MACROD2: variants seen among roughly 807,000 people sequenced by gnomAD.
MACROD2 encodes the protein mono-ADP ribosylhydrolase 2.
A neutral mutation model predicts 70.4 loss-of-function variants in MACROD2; 36 were observed. The ratio of observed to expected loss-of-function variants is 0.51; its 90% CI spans 0.39 to 0.68. The LOEUF is 0.68. MACROD2 is among the 30% of genes least tolerant of loss of function. MACROD2 has a pLI of 0.00. For missense variants in MACROD2, 496 were observed against 538.4 expected (o/e 0.92, Z 0.78); for synonymous variants, 172 against 178.8 (o/e 0.96, Z 0.30).
At chr20:14,228,706 GAA>G (rs1489449421) in intron 3 of MACROD2, among the ~76,000 whole-genome samples, 2 of 151,986 alleles carry the variant, frequency 1.3e-5, no homozygotes, top group East Asian at 3.8e-4. Flanking sequence ...AATTGTCACA[GAA>G]AAAAAGACAT....
chr20:15,548,867 A>G (rs1364303260), intron 8 of MACROD2, among the ~76,000 whole-genome samples: 1 of 152,214 alleles, frequency 6.6e-6, no homozygotes, highest in Non-Finnish European at 1.5e-5. Context: ...GAAGAGATAC[A>G]TAGACTCTCT....
intron 3 of MACROD2, among the ~76,000 whole-genome samples, chr20:14,485,962 GAGAGTT>G (rs1483380677): frequency 1.3e-5 from 2 of 152,040 alleles, no homozygotes; most frequent in Non-Finnish European, 2.9e-5. Context: ...TCTGCACTAA[GAGAGTT>G]AGCCTCTGAA....
At chr20:14,270,089 G>T (rs1428674016) in intron 3 of MACROD2, among the ~76,000 whole-genome samples, 1 of 152,000 alleles carries the variant, frequency 6.6e-6, no homozygotes, top group Non-Finnish European at 1.5e-5. Context: ...GGTATTGTCT[G>T]TTTTTTTAGA....
intron 5 of MACROD2, among the ~76,000 whole-genome samples, chr20:14,866,747 G>A (rs987562722): frequency 5.3e-5 from 8 of 152,048 alleles, no homozygotes; most frequent in African/African-American, 1.9e-4. Flanking sequence ...ACACGTGCAG[G>A]AGTAACAATT....
intron 2 of MACROD2, among the ~76,000 whole-genome samples, chr20:14,044,107 G>T (rs1385947620): frequency 6.6e-6 from 1 of 152,220 alleles, no homozygotes; most frequent in Non-Finnish European, 1.5e-5. Flanking sequence ...TAAAGGCAGT[G>T]TGTCCAGAGT....
At chr20:15,936,308 T>C (rs986926784) in intron 11 of MACROD2, among the ~76,000 whole-genome samples, 3 of 148,876 alleles carry the variant, frequency 2.0e-5, no homozygotes, top group Admixed American at 6.7e-5. Context: ...TGTGTATATA[T>C]ATAGTTTTTC....
chr20:15,162,058 C>A (rs2076352212), intron 5 of MACROD2, among the ~76,000 whole-genome samples: 1 of 151,836 alleles, frequency 6.6e-6, no homozygotes, highest in Admixed American at 6.6e-5. Context: ...AGATAAAATA[C>A]AGATTACTAT....
At chr20:15,704,146 T>TTATG (rs2087125574) in intron 8 of MACROD2, among the ~76,000 whole-genome samples, 3 of 150,754 alleles carry the variant, frequency 2.0e-5, no homozygotes, top group Admixed American at 6.6e-5. Context: ...GTTTGTTTAT[T>TTATG]TATTTATTTA....
chr20:15,177,837 C>G (rs550790520), intron 5 of MACROD2, among the ~76,000 whole-genome samples: 2 of 152,048 alleles, frequency 1.3e-5, no homozygotes, highest in African/African-American at 4.8e-5. Context: ...GAATTGGTGT[C>G]ATGGCTATTA....
chr20:15,165,286 T>C (rs562176656), intron 5 of MACROD2, among the ~76,000 whole-genome samples: 24 of 152,222 alleles, frequency 1.6e-4, no homozygotes, highest in African/African-American at 4.8e-4. Flanking sequence ...TAAAACCCCA[T>C]CTCTACTAAA....
intron 8 of MACROD2, among the ~76,000 whole-genome samples, chr20:15,520,391 G>T (rs370404722): frequency 6.6e-6 from 1 of 152,200 alleles, no homozygotes. Flanking sequence ...TTTCTGGAGC[G>T]AGTCAAAGTG....
chr20:14,345,021 A>T (rs562873981), intron 3 of MACROD2, among the ~76,000 whole-genome samples: 39 of 152,336 alleles, frequency 2.6e-4, no homozygotes, highest in Admixed American at 1.2e-3. Flanking sequence ...TTAACAAAGA[A>T]CAAAGGATTT....
At chr20:14,243,160 GTTTTAC>G (rs1354539047) in intron 3 of MACROD2, among the ~76,000 whole-genome samples, 1 of 152,174 alleles carries the variant, frequency 6.6e-6, no homozygotes, top group African/African-American at 2.4e-5. Context: ...TGTTAACTGA[GTTTTAC>G]ATACAGACTA....
At chr20:14,123,091 A>G (rs73084829) in intron 3 of MACROD2, among the ~76,000 whole-genome samples, 2,033 of 152,286 alleles carry the variant, frequency 0.013, 19 homozygotes, top group Non-Finnish European at 0.021. Context: ...ATAATAGGGT[A>G]CATAATTTTT....
chr20:14,807,625 G>A (rs905513513), intron 5 of MACROD2, among the ~76,000 whole-genome samples: 2 of 152,046 alleles, frequency 1.3e-5, no homozygotes, highest in African/African-American at 4.8e-5. Context: ...TTCAGAAGGT[G>A]AGTAATAACA....
At chr20:15,561,616 T>A (rs535014189) in intron 8 of MACROD2, among the ~76,000 whole-genome samples, 154 of 152,266 alleles carry the variant, frequency 1.0e-3, no homozygotes, top group African/African-American at 3.3e-3. Context: ...AATTTTTTTT[T>A]AAATGAATGA....
chr20:15,036,910 A>G (rs1051549027), intron 5 of MACROD2, among the ~76,000 whole-genome samples: 1 of 151,638 alleles, frequency 6.6e-6, no homozygotes, highest in Admixed American at 6.6e-5. Context: ...ATTATGATTT[A>G]TATGTTATAT....
chr20:15,848,156 T>C (rs1299779890), intron 8 of MACROD2, among the ~76,000 whole-genome samples: 1 of 152,182 alleles, frequency 6.6e-6, no homozygotes, highest in African/African-American at 2.4e-5. Flanking sequence ...GAGAAATTCT[T>C]TTGGAAGTTA....
rs201333812 is a variant in MACROD2 at position 14,417,205 on chromosome 20, AG to A, written c.272-76273del. Among the ~76,000 whole-genome samples the A allele has an allele frequency of 6.3e-3, 959 of 152,130 alleles. 18 individuals are homozygous for A. The highest frequency in any genetic ancestry group is 0.022 in the African/African-American group (902 of 41,482). On this transcript the variant is annotated intron_variant, in intron 3 of 17. Coordinates refer to ENST00000684519, the MANE Select transcript of MACROD2 (RefSeq NM_001351661.2). ...CTCTGAGTTCCCTGTTTTAGTTAAA[AG>A]TTTGCATTATATATTGTAGCAAATT...
Sources: allele counts gnomAD v4.1 joint callset (sites outside exome capture counted in the v4.1 genomes callset), GRCh38; gene constraint gnomAD v4.1.1; transcripts MANE v1.5; gene names NCBI Gene and HGNC (gene_info 2026-07-23, HGNC 2026-07-21).